BNC1: variants seen among roughly 807,000 people sequenced by gnomAD.
BNC1 encodes the protein zinc finger protein basonuclin-1.
In BNC1, 8 loss-of-function variants were observed where a neutral mutation model predicts 66.5. The ratio of observed to expected loss-of-function variants is 0.12; its 90% CI spans 0.07 to 0.22. The LOEUF is 0.22. BNC1 is among the 10% of genes least tolerant of loss of function. The pLI, the probability that BNC1 is intolerant of heterozygous loss-of-function variation, is 1.00. For synonymous variants in BNC1, 454 were observed against 452.6 expected, an observed-to-expected ratio of 1.00 and a Z score of -0.04; for missense variants, 1,069 against 1,241.3, an observed-to-expected ratio of 0.86 and a Z score of 2.09.
In BNC1 at chr15:83,266,963, G is replaced by A; in HGVS notation, c.308C>T (p.Ala103Val). The A allele has an allele frequency of 1.2e-6, 2 of 1,614,174 alleles. No individual in the cohort carries two copies. Among genetic ancestry groups the A allele is most frequent in the Non-Finnish European group, 1.7e-6 (2 of 1,180,014 alleles). The change falls in exon 3 of 5, where the codon GCC becomes GTC. Residue 103 changes from alanine (A) to valine (V), a missense_variant. Ala to Val is a moderately conservative substitution (Grantham distance 64). This residue lies in a region of BNC1 where 39 missense variants were observed against 89.5 expected (regional missense o/e 0.44). Coordinates refer to ENST00000345382, the MANE Select transcript of BNC1 (RefSeq NM_001717.4). ...TAGGATTTTTAGGCGAACGGGGATGGCCTGGGTCCCATAGAGCATGAGGCT... is the reference window on the plus strand; with the variant it reads ...TAGGATTTTTAGGCGAACGGGGATGACCTGGGTCCCATAGAGCATGAGGCT... ...ISSLMLYGTQ[A>V]IPVRLKILLD...
At chr15:83,279,386 C>A (rs1476756156) in intron 1 of BNC1, among the ~76,000 whole-genome samples, 1 of 152,094 alleles carries the variant, frequency 6.6e-6, no homozygotes, top group African/African-American at 2.4e-5. Context: ...AAGTCAAACT[C>A]CTACTCTCCC....
At chr15:83,265,950 C>CA (rs1294129699) in intron 3 of BNC1, among the ~76,000 whole-genome samples, 1 of 152,118 alleles carries the variant, frequency 6.6e-6, no homozygotes, top group East Asian at 1.9e-4. Flanking sequence ...GAAATATGTT[C>CA]GCCTCCCATT....
chr15:83,274,728 CAT>C (rs1293274200), intron 1 of BNC1, among the ~76,000 whole-genome samples: 2 of 152,228 alleles, frequency 1.3e-5, no homozygotes, highest in African/African-American at 4.8e-5. Context: ...GCATTTATTA[CAT>C]GTGAGATACT....
At chr15:83,283,675 G>C (rs956480642) in intron 1 of BNC1, among the ~76,000 whole-genome samples, 35 of 152,196 alleles carry the variant, frequency 2.3e-4, no homozygotes, top group South Asian at 6.2e-4. Flanking sequence ...ACGCGGCTCG[G>C]CCCGGCTTCC....
chr15:83,257,182 GA>G lies in BNC1; in HGVS notation c.*259del. On this transcript the variant is annotated 3_prime_UTR_variant, in exon 5 of 5. Transcript: ENST00000345382. Reference sequence around the variant, plus strand: ...CCAGGGAACATGTAAACAAATCTGGGAAAAATCACATTTCTGCAAGTTTTCC... The same window carrying G: ...CCAGGGAACATGTAAACAAATCTGGGAAAATCACATTTCTGCAAGTTTTCC... The G allele has an allele frequency of 1.9e-6, 1 of 531,438 alleles. No individual in the cohort carries two copies. The highest frequency in any genetic ancestry group is 3.3e-5 in the East Asian group (1 of 29,962). The allele number at this position is 531,438 out of a possible 1,614,324, so 32.9% of individuals were successfully genotyped here. A position where few individuals can be genotyped will look rare whatever the true frequency, so the allele number is the denominator to read the frequency against.
Position 83,258,077 on chromosome 15 carries a change from A to G in BNC1, c.2350T>C (p.Leu784=), listed in dbSNP as rs535321624. 68 of 1,609,144 alleles carry G rather than the reference A, an allele frequency of 4.2e-5. 1 individual carries two copies. The Middle Eastern group carries it at 1.7e-3, about 39-fold the overall frequency. ...LHQKALSQEA[L]ESSEDHFRAA... is the part of the protein sequence containing the mutation. ...CGGAAATGATCTTCACTACTCTCCA[A>G]TGCTTCCTGGCTCAATGCTTTTTGG... Residue 784 remains leucine (L), a synonymous_variant, in exon 5 of 5, where the codon TTG becomes CTG. Coordinates refer to ENST00000345382, the MANE Select transcript of BNC1 (RefSeq NM_001717.4).
At position 83,264,425 on chromosome 15, in the gene BNC1, G is replaced by T. The variant is rs1392531817; in HGVS notation, c.826C>A (p.Pro276Thr). 7 of 1,614,016 alleles carry T rather than the reference G, an allele frequency of 4.3e-6. No individual in the cohort carries two copies. In the African/African-American group the frequency reaches 5.3e-5, roughly 12 times the overall value. The change falls in exon 4 of 5, where the codon CCC becomes ACC. Residue 276 changes from proline (P) to threonine (T), a missense_variant. Pro to Thr is a conservative substitution (Grantham distance 38). Coordinates refer to ENST00000345382, the MANE Select transcript of BNC1 (RefSeq NM_001717.4). Reference protein sequence around the residue: ...LEQGHDQSQDPKQEVHGPFPD... With the variant: ...LEQGHDQSQDTKQEVHGPFPD... The stretch of plus-strand genomic sequence containing the variant: ...AAGGGCCCATGGACTTCCTGTTTGG[G>T]GTCCTGACTTTGGTCATGACCCTGC...
rs1045269617 is a variant in BNC1, at chr15:83,284,637, C to T, written c.-9G>A. ...GGCGGGCGCCGCCGCATCCACGCTCCGGCCGTCGGGGCGCGACCCGGCGAA... is the reference window on the plus strand; with the variant it reads ...GGCGGGCGCCGCCGCATCCACGCTCTGGCCGTCGGGGCGCGACCCGGCGAA... On this transcript the variant is annotated 5_prime_UTR_variant, in exon 1 of 5. Transcript: ENST00000345382. The T allele has an allele frequency of 3.0e-6, 3 of 990,336 alleles. No homozygotes were observed. The highest frequency in any genetic ancestry group is 3.6e-6 in the Non-Finnish European group (3 of 834,474). 61.3% of individuals were successfully genotyped at this position (990,336 alleles called of 1,614,324 possible).
chr15:83,263,725 G>A lies in BNC1; in HGVS notation c.1526C>T (p.Pro509Leu), dbSNP rs1311409127. Residue 509 changes from proline (P) to leucine (L), a missense_variant, in exon 4 of 5, where the codon CCT becomes CTT. Physicochemically the swap from Pro to Leu is moderately conservative, Grantham distance 98 (BLOSUM62 -3). Transcript: ENST00000345382. ...AEVANTPGIL[P>L]SLPLLSSSIP... ...TGAAGAGGACAACAGCGGGAGGGAA[G>A]GGAGTATCCCAGGCGTGTTTGCTAC... The A allele has an allele frequency of 1.9e-6, 3 of 1,614,142 alleles. No individual in the cohort carries two copies. The highest frequency in any genetic ancestry group is 1.3e-5 in the African/African-American group (1 of 74,940).
At position 83,264,083 on chromosome 15, in the gene BNC1, C is replaced by T. The variant is rs200106261; in HGVS notation, c.1168G>A (p.Glu390Lys). Residue 390 changes from glutamate (E) to lysine (K), a missense_variant, in exon 4 of 5, where the codon GAA becomes AAA. Physicochemically the swap from Glu to Lys is moderately conservative, Grantham distance 56. Transcript: ENST00000345382. ...GAGCTGAACACCATGTTACACCCTT[C>T]GATGGTGCACTTATGCTTGATCTTC... Reference protein sequence around the residue: ...HLKIKHKCTIEGCNMVFSSLR... With the variant: ...HLKIKHKCTIKGCNMVFSSLR... 14 of 1,614,042 alleles carry T rather than the reference C, an allele frequency of 8.7e-6. No individual in the cohort carries two copies. The highest frequency in any genetic ancestry group is 1.3e-5 in the African/African-American group (1 of 74,898).
chr15:83,268,213 T>A lies in BNC1; in HGVS notation c.119A>T (p.Asn40Ile). 6.2e-7 allele frequency: 1 copy of A among 1,614,082 alleles called. No individual in the cohort carries two copies. The highest frequency in any genetic ancestry group is 1.7e-5 in the Admixed American group (1 of 60,016). Residue 40 changes from asparagine (N) to isoleucine (I), a missense_variant, in exon 2 of 5, where the codon AAC becomes ATC. Physicochemically the swap from Asn to Ile is moderately radical, Grantham distance 149. This residue lies in a region of BNC1 where 78 missense variants were observed against 80.9 expected (regional missense o/e 0.96). Coordinates refer to ENST00000345382, the MANE Select transcript of BNC1 (RefSeq NM_001717.4). ...GGGTTTGAAACTTTGGCAACTACAGTTCAGAGTACAGCTGATAGCCTGAAA... is the reference window on the plus strand; with the variant it reads ...GGGTTTGAAACTTTGGCAACTACAGATCAGAGTACAGCTGATAGCCTGAAA... ...RMAEAISCTL[N>I]CSCQSFKPGK...
intron 1 of BNC1, among the ~76,000 whole-genome samples, chr15:83,277,541 C>T (rs1200375205): frequency 1.3e-5 from 2 of 152,150 alleles, no homozygotes; most frequent in African/African-American, 4.8e-5. Context: ...TATCTCCTGA[C>T]CTCATGATCT....
intron 4 of BNC1, among the ~76,000 whole-genome samples, chr15:83,260,846 G>A (rs533269881): frequency 5.8e-4 from 89 of 152,270 alleles, no homozygotes; most frequent in Non-Finnish European, 1.1e-3. Context: ...ATGGTGTCAG[G>A]TCTGGGCCTG....
intron 3 of BNC1, 133 bp downstream of exon 3, chr15:83,266,703 A>G (rs760411149): frequency 3.2e-5 from 25 of 793,124 alleles, no homozygotes; most frequent in Middle Eastern, 2.6e-4. Flanking sequence ...GGCTTAGGCC[A>G]TTAGAAAAGA....
chr15:83,263,848 G>A lies in BNC1; in HGVS notation c.1403C>T (p.Ala468Val). 6.2e-7 allele frequency: 1 copy of A among 1,614,188 alleles called. No individual in the cohort carries two copies. Among genetic ancestry groups the A allele is most frequent in the South Asian group, 1.1e-5 (1 of 91,076 alleles). ...GSGEDSKGQP[A>V]FPNIGQNGVL... ...ACCATTTTGCCCAATGTTTGGGAAGGCTGGTTGGCCTTTGGAATCCTCTCC... is the reference window on the plus strand; with the variant it reads ...ACCATTTTGCCCAATGTTTGGGAAGACTGGTTGGCCTTTGGAATCCTCTCC... Residue 468 changes from alanine to valine, a missense_variant, in exon 4 of 5, where the codon GCC (alanine) becomes GTC (valine). Physicochemically the swap from Ala to Val is moderately conservative, Grantham distance 64. This residue lies in a region of BNC1 where 657 missense variants were observed against 715.8 expected (regional missense o/e 0.92). Coordinates refer to ENST00000345382, the MANE Select transcript of BNC1 (RefSeq NM_001717.4).
intron 1 of BNC1, among the ~76,000 whole-genome samples, chr15:83,272,496 C>T (rs1272506384): frequency 6.6e-6 from 1 of 152,028 alleles, no homozygotes; most frequent in African/African-American, 2.4e-5. Context: ...CTCGGCCTCC[C>T]AAAGTGCTGG....
chr15:83,284,412 C>T, intron 1 of BNC1, 118 bp downstream of exon 1: 1 of 602,100 alleles, frequency 1.7e-6, no homozygotes, highest in Non-Finnish European at 2.1e-6. Context: ...CGCAGGTAGC[C>T]AGCTGGCCCT....
Position 83,266,903 on chromosome 15 carries a change from T to A in BNC1, c.368A>T (p.Glu123Val). Reference protein sequence around the residue: ...DRLFSVLKQDEVLQILHALDW... With the variant: ...DRLFSVLKQDVVLQILHALDW... ...CAAGGCATGGAGGATCTGGAGAACCTCATCTTGCTTCAACACACTGAAGAG... is the reference window on the plus strand; with the variant it reads ...CAAGGCATGGAGGATCTGGAGAACCACATCTTGCTTCAACACACTGAAGAG... The change falls in exon 3 of 5, where the codon GAG becomes GTG. Residue 123 changes from glutamate (E) to valine (V), a missense_variant. This residue lies in a region of BNC1 where 39 missense variants were observed against 89.5 expected (regional missense o/e 0.44). Coordinates refer to ENST00000345382, the MANE Select transcript of BNC1 (RefSeq NM_001717.4). 1 of 1,614,180 alleles carries A rather than the reference T, an allele frequency of 6.2e-7. No individual in the cohort carries two copies. Among genetic ancestry groups the A allele is most frequent in the Admixed American group, 1.7e-5 (1 of 60,032 alleles).
chr15:83,272,980 G>C (rs761686641), intron 1 of BNC1, among the ~76,000 whole-genome samples: 1 of 149,836 alleles, frequency 6.7e-6, no homozygotes, highest in Non-Finnish European at 1.5e-5. Flanking sequence ...AAATGCCCTT[G>C]GGGGGGGGCC....
Sources: allele counts gnomAD v4.1 joint callset (sites outside exome capture counted in the v4.1 genomes callset), GRCh38; gene constraint gnomAD v4.1.1; regional missense constraint gnomAD v4.1.1; transcripts MANE v1.5; gene names NCBI Gene and HGNC (gene_info 2026-07-23, HGNC 2026-07-21).